Variants in ERGIC2 observed in about 807,000 individuals in gnomAD.
ERGIC2 encodes the protein endoplasmic reticulum-Golgi intermediate compartment protein 2.
Under a neutral mutation model 52.5 loss-of-function variants are expected in ERGIC2, and 31 were observed. The ratio of observed to expected loss-of-function variants is 0.59; its 90% CI spans 0.44 to 0.80. ERGIC2 has a LOEUF of 0.80. Ranked by LOEUF, ERGIC2 falls within the 30% of genes least tolerant of loss-of-function variation. The pLI, the probability that ERGIC2 is intolerant of heterozygous loss-of-function variation, is 0.00. For missense variants in ERGIC2, 395 were observed against 455.2 expected (o/e 0.87, Z 1.20); for synonymous variants, 129 against 140.6 (o/e 0.92, Z 0.58).
chr12:29,351,709 C>G (rs1940133403), intron 8 of ERGIC2, among the ~76,000 whole-genome samples: 1 of 152,176 alleles, frequency 6.6e-6, no homozygotes, highest in Admixed American at 6.5e-5. Context: ...CTTTGGCAGT[C>G]AAACATTGCT....
At chr12:29,378,833 ACTT>A (rs1299755618) in intron 1 of ERGIC2, among the ~76,000 whole-genome samples, 1 of 152,162 alleles carries the variant, frequency 6.6e-6, no homozygotes, top group Admixed American at 6.5e-5. Flanking sequence ...AAGATACTCA[ACTT>A]CTTAGAATCC....
rs1949832352 is a variant in ERGIC2 at position 29,340,812 on chromosome 12, A to G, written c.*344T>C. 1 of 436,112 alleles carries G rather than the reference A, an allele frequency of 2.3e-6. No individual in the cohort carries two copies. Among genetic ancestry groups the G allele is most frequent in the Admixed American group, 3.1e-5 (1 of 32,624 alleles). The allele number at this position is 436,112 out of a possible 1,614,324, so 27.0% of individuals were successfully genotyped here. On this transcript the variant is annotated 3_prime_UTR_variant, in exon 14 of 14. Transcript: ENST00000360150. ...ATGTTTTTTTTTTTCCCATAGATGT[A>G]GTTTCACTTATTTCCTTCAGGCTTT...
chr12:29,369,135 C>T lies in ERGIC2; in HGVS notation c.216-848G>A, dbSNP rs1940404411. Among the ~76,000 whole-genome samples, 6 of 151,826 alleles carry T rather than the reference C, an allele frequency of 4.0e-5. No individual in the cohort carries two copies. In the South Asian group the frequency reaches 1.0e-3, roughly 26 times the overall value. ...GTCATCTAGAGTTCAAACTGTGTTCCAAATAACCCAGGAGTTTAGGCTCAG... is the reference window on the plus strand; with the variant it reads ...GTCATCTAGAGTTCAAACTGTGTTCTAAATAACCCAGGAGTTTAGGCTCAG... On this transcript the variant is annotated intron_variant, in intron 3 of 13. Transcript: ENST00000360150.
At chr12:29,350,091 T>C (rs565082336) in intron 8 of ERGIC2, 23 bp from the exon 9 acceptor site, 3 of 1,440,914 alleles carry the variant, frequency 2.1e-6, no homozygotes, top group South Asian at 1.2e-5. Context: ...AAAACAATTA[T>C]TAAAGTAGTA....
chr12:29,377,664 T>C (rs1940532840), intron 1 of ERGIC2, among the ~76,000 whole-genome samples: 1 of 152,150 alleles, frequency 6.6e-6, no homozygotes, highest in South Asian at 2.1e-4. Context: ...TGACTGTATT[T>C]TGAAAAACTT....
At chr12:29,344,841 A>G (rs1207342998) in intron 11 of ERGIC2, among the ~76,000 whole-genome samples, 1 of 152,204 alleles carries the variant, frequency 6.6e-6, no homozygotes, top group Admixed American at 6.5e-5. Flanking sequence ...ATAAGAAAAC[A>G]TGACCCCAAA....
At chr12:29,352,131 A>G (rs1252627144) in intron 8 of ERGIC2, among the ~76,000 whole-genome samples, 1 of 152,162 alleles carries the variant, frequency 6.6e-6, no homozygotes, top group Non-Finnish European at 1.5e-5. Context: ...ATGCTGTCAA[A>G]TTATAACTGC....
Position 29,338,229 on chromosome 12 carries a change from A to G in ERGIC2, c.*2927T>C, listed in dbSNP as rs1230130570. ...TCATTCCTTCATGAATTCCAAAATT[A>G]AGATTGTATTAAAGACTGTAAATCT... On this transcript the variant is annotated 3_prime_UTR_variant, in exon 14 of 14. Transcript: ENST00000360150. 1 of 152,100 alleles carries G rather than the reference A, an allele frequency of 6.6e-6. No individual in the cohort carries two copies. Among genetic ancestry groups the G allele is most frequent in the Non-Finnish European group, 1.5e-5 (1 of 68,020 alleles). 9.4% of individuals were successfully genotyped at this position (152,100 alleles called of 1,614,324 possible).
chr12:29,368,101 G>C, intron 4 of ERGIC2, 140 bp downstream of exon 4: 1 of 632,944 alleles, frequency 1.6e-6, no homozygotes. Flanking sequence ...AAAACAATTT[G>C]TATTATTAAA....
chr12:29,363,671 A>G (rs1019284208), intron 5 of ERGIC2, among the ~76,000 whole-genome samples: 1 of 152,046 alleles, frequency 6.6e-6, no homozygotes, highest in African/African-American at 2.4e-5. Flanking sequence ...CTTAATTCTA[A>G]CATATCACTA....
intron 8 of ERGIC2, among the ~76,000 whole-genome samples, chr12:29,354,924 T>C (rs985048980): frequency 1.2e-4 from 18 of 152,272 alleles, no homozygotes; most frequent in African/African-American, 1.4e-4. Flanking sequence ...ACAGGTTGGG[T>C]TGGAGATGGG....
In ERGIC2 at chr12:29,380,296, C is replaced by T. The variant is rs569433655; in HGVS notation, c.-38+819G>A. On this transcript the variant is annotated intron_variant, in intron 1 of 13. Transcript: ENST00000360150. ...CCAATGTATCAGGCTAGGCAATTAA[C>T]TGAAATACTGAATTACAACTTCAAA... 1.7e-4 allele frequency among the ~76,000 whole-genome samples: 26 copies of T among 152,224 alleles called. No individual in the cohort carries two copies. The South Asian group carries it at 5.2e-3, about 30-fold the overall frequency.
chr12:29,350,131 G>C (rs1291481009), intron 8 of ERGIC2, 63 bp from the exon 9 acceptor site: 2 of 939,038 alleles, frequency 2.1e-6, no homozygotes, highest in African/African-American at 3.3e-5. Context: ...ATTAAAATCA[G>C]AAACTGGATC....
chr12:29,356,517 C>A (rs1035606), intron 7 of ERGIC2, 40 bp from the exon 8 acceptor site: 3 of 1,094,390 alleles, frequency 2.7e-6, no homozygotes, highest in Non-Finnish European at 2.8e-6. Context: ...ACATTCAATA[C>A]AGTTACCATT....
intron 11 of ERGIC2, among the ~76,000 whole-genome samples, chr12:29,344,680 T>A (rs1940022182): frequency 2.0e-5 from 3 of 151,558 alleles, no homozygotes; most frequent in East Asian, 3.9e-4. Flanking sequence ...AAAAAAAAAA[T>A]TCCACAATTA....
At position 29,343,292 on chromosome 12, in the gene ERGIC2, A is replaced by C. The variant is rs990568607; in HGVS notation, c.826-10T>G. On this transcript the variant is annotated splice_polypyrimidine_tract_variant and intron_variant, in intron 11 of 13. Coordinates refer to ENST00000360150, the MANE Select transcript of ERGIC2 (RefSeq NM_016570.3). ...GGTTAATGATACGTTCCTAAAAGGGAGGCAAAAGGAAGGGGAGAAATAGGA... is the reference window on the plus strand; with the variant it reads ...GGTTAATGATACGTTCCTAAAAGGGCGGCAAAAGGAAGGGGAGAAATAGGA... The C allele has an allele frequency of 1.9e-6, 3 of 1,565,978 alleles. No individual in the cohort carries two copies. Among genetic ancestry groups the C allele is most frequent in the Non-Finnish European group, 2.6e-6 (3 of 1,152,642 alleles).
Position 29,345,547 on chromosome 12 carries a change from T to C in ERGIC2, c.728-7A>G, listed in dbSNP as rs776687302. ...TATTGGAACATCTGGTTGTCTAGAA[T>C]ACAAAAAAAACTTTTTATCAATTCA... On this transcript the variant is annotated splice_region_variant and splice_polypyrimidine_tract_variant and intron_variant, in intron 10 of 13. Coordinates refer to ENST00000360150, the MANE Select transcript of ERGIC2 (RefSeq NM_016570.3). 8.0e-6 allele frequency: 12 copies of C among 1,497,698 alleles called. No individual in the cohort carries two copies. Among genetic ancestry groups the C allele is most frequent in the Middle Eastern group, 1.7e-4 (1 of 5,838 alleles). The allele number at this position is 1,497,698 out of a possible 1,614,324, so 92.8% of individuals were successfully genotyped here.
chr12:29,379,060 A>C (rs562349557), intron 1 of ERGIC2, among the ~76,000 whole-genome samples: 1 of 152,316 alleles, frequency 6.6e-6, no homozygotes, highest in South Asian at 2.1e-4. Flanking sequence ...GGATGGCATA[A>C]ACTGATAAGA....
intron 10 of ERGIC2, among the ~76,000 whole-genome samples, chr12:29,347,331 T>A (rs1940067310): frequency 6.6e-6 from 1 of 152,108 alleles, no homozygotes. Flanking sequence ...GAGTATGGAG[T>A]TAGGTTGTCC....
Sources: gnomAD v4.1 joint callset for allele counts (sites outside exome capture counted in the v4.1 genomes callset) on GRCh38, gnomAD v4.1.1 for gene constraint, MANE v1.5 for transcripts, NCBI Gene and HGNC (gene_info 2026-07-23, HGNC 2026-07-21) for gene names.